The following NCALD variants were observed in gnomAD, a reference collection of about 807,000 sequenced individuals.
The protein encoded by NCALD is neurocalcin-delta.
In NCALD, 10 loss-of-function variants were observed where a neutral mutation model predicts 18.6. The ratio of observed to expected loss-of-function variants is 0.54; its 90% CI spans 0.33 to 0.91. The LOEUF (loss-of-function observed/expected upper bound fraction) is 0.91. Ranked by LOEUF, NCALD falls within the 40% of genes least tolerant of loss-of-function variation. The pLI is 0.03. For missense variants in NCALD, 184 were observed against 247.6 expected, an observed-to-expected ratio of 0.74 and a Z score of 1.72; for synonymous variants, 88 against 87.4, an observed-to-expected ratio of 1.01 and a Z score of -0.04.
intron 3 of NCALD, among the ~76,000 whole-genome samples, chr8:101,909,012 G>A (rs1817701475): frequency 6.6e-6 from 1 of 152,124 alleles, no homozygotes; most frequent in South Asian, 2.1e-4. Context: ...GTTTACCTGA[G>A]CCAACATAAT....
chr8:101,924,650 G>A (rs1818276780), intron 2 of NCALD, among the ~76,000 whole-genome samples: 1 of 152,126 alleles, frequency 6.6e-6, no homozygotes, highest in South Asian at 2.1e-4. Context: ...CTACCATCGG[G>A]ACCAGAGAGC....
chr8:102,013,192 G>A (rs1166617666), intron 2 of NCALD, among the ~76,000 whole-genome samples: 3 of 152,188 alleles, frequency 2.0e-5, no homozygotes, highest in African/African-American at 7.2e-5. Context: ...TTGCTGGCCT[G>A]AGAGTGTATA....
intron 4 of NCALD, among the ~76,000 whole-genome samples, chr8:101,825,719 C>G (rs187632192): frequency 6.6e-6 from 1 of 152,246 alleles, no homozygotes; most frequent in African/African-American, 2.4e-5. Context: ...TGACTTAAAG[C>G]AGGGGTCTGT....
chr8:101,960,688 G>C (rs1412142535), intron 2 of NCALD, among the ~76,000 whole-genome samples: 1 of 151,984 alleles, frequency 6.6e-6, no homozygotes, highest in Non-Finnish European at 1.5e-5. Context: ...ACCATGAATT[G>C]GATCATTTTG....
chr8:102,058,166 G>C (rs573090919), intron 1 of NCALD, among the ~76,000 whole-genome samples: 67 of 152,342 alleles, frequency 4.4e-4, no homozygotes, highest in African/African-American at 1.5e-3. Context: ...AATATGGTTA[G>C]AAAGGAAGGT....
chr8:101,702,864 A>G (rs1332057741), intron 2 of NCALD, among the ~76,000 whole-genome samples: 1 of 152,268 alleles, frequency 6.6e-6, no homozygotes, highest in Non-Finnish European at 1.5e-5. Flanking sequence ...TGTTAAGATC[A>G]GAGAGATCCC....
intron 2 of NCALD, among the ~76,000 whole-genome samples, chr8:101,956,184 T>C (rs763411171): frequency 1.3e-5 from 2 of 152,190 alleles, no homozygotes; most frequent in Non-Finnish European, 2.9e-5. Flanking sequence ...ACATTGCTTA[T>C]CCACCCCCAA....
chr8:101,737,429 G>A (rs1272686782), intron 1 of NCALD, among the ~76,000 whole-genome samples: 1 of 152,092 alleles, frequency 6.6e-6, no homozygotes, highest in African/African-American at 2.4e-5. Context: ...TTCAAGTCAT[G>A]TCCTTTCTCA....
At chr8:101,780,268 T>A (rs1397348651) in intron 1 of NCALD, among the ~76,000 whole-genome samples, 1 of 152,114 alleles carries the variant, frequency 6.6e-6, no homozygotes, top group African/African-American at 2.4e-5. Flanking sequence ...TGCACTGGGT[T>A]AAGTAAGTGA....
chr8:101,918,575 T>C (rs991711725), intron 2 of NCALD, among the ~76,000 whole-genome samples: 5 of 152,132 alleles, frequency 3.3e-5, no homozygotes, highest in Non-Finnish European at 5.9e-5. Context: ...TATGATTCTA[T>C]ACCTAGAAAA....
intron 4 of NCALD, among the ~76,000 whole-genome samples, chr8:101,854,810 C>T (rs990972010): frequency 2.6e-5 from 4 of 152,144 alleles, no homozygotes; most frequent in African/African-American, 9.7e-5. Flanking sequence ...GATTGGGCAT[C>T]TGAATCACAT....
chr8:101,819,799 G>C (rs1813647621), intron 4 of NCALD, among the ~76,000 whole-genome samples: 1 of 152,168 alleles, frequency 6.6e-6, no homozygotes, highest in Non-Finnish European at 1.5e-5. Flanking sequence ...CGGTGGTACA[G>C]AGTGAAGAGG....
rs147772676 is a variant in NCALD at position 102,052,551 on chromosome 8, C to G, written c.-209-32262G>C. ...TAAGGAGAGCTTGAAGTGGTTAAAT[C>G]CACACATAATTCAGGAACTTTATTT... On this transcript the variant is annotated intron_variant, in intron 1 of 6. Transcript: ENST00000311028. 4.9e-3 allele frequency among the ~76,000 whole-genome samples: 751 copies of G among 152,332 alleles called. 3 individuals are homozygous for G. Among genetic ancestry groups the G allele is most frequent in the African/African-American group, 0.017 (716 of 41,570 alleles).
In NCALD at chr8:101,708,099, C is replaced by T. The variant is rs372049338; in HGVS notation, c.378+11153G>A. Among the ~76,000 whole-genome samples the T allele has an allele frequency of 1.3e-3, 200 of 152,196 alleles. 1 individual carries two copies. The highest frequency in any genetic ancestry group is 2.4e-3 in the Non-Finnish European group (162 of 68,008). The stretch of plus-strand genomic sequence containing the variant: ...CTCTAACTTGAACTTAAGAACAAAC[C>T]CAGACAGACTGTCCCCCAAACAGTC... On this transcript the variant is annotated intron_variant, in intron 2 of 3. Coordinates refer to ENST00000220931, the MANE Select transcript of NCALD (RefSeq NM_032041.3).
intron 2 of NCALD, among the ~76,000 whole-genome samples, chr8:101,942,315 T>C (rs1274686833): frequency 6.6e-6 from 1 of 152,180 alleles, no homozygotes; most frequent in African/African-American, 2.4e-5. Context: ...ACACCAATCT[T>C]GAGGCCAAAA....
intron 1 of NCALD, among the ~76,000 whole-genome samples, chr8:102,089,173 T>A (rs1824841051): frequency 6.6e-6 from 1 of 152,108 alleles, no homozygotes; most frequent in Non-Finnish European, 1.5e-5. Context: ...GGTGGGTGGA[T>A]CACAAGGTCA....
At chr8:102,041,905 C>T (rs980431465) in intron 1 of NCALD, among the ~76,000 whole-genome samples, 3 of 151,964 alleles carry the variant, frequency 2.0e-5, no homozygotes, top group Non-Finnish European at 4.4e-5. Context: ...ACCAAAAAAG[C>T]GAAATCACCT....
At position 101,699,353 on chromosome 8, in the gene NCALD, C is replaced by T. The variant is rs187245961; in HGVS notation, c.379-6457G>A. On this transcript the variant is annotated intron_variant, in intron 2 of 3. Transcript: ENST00000220931. ...TCGACCATTGTGGAAGACAGTGTGG[C>T]GATTCCTCAAGGATCTAGAACCAGA... Among the ~76,000 whole-genome samples the T allele has an allele frequency of 9.4e-4, 143 of 152,214 alleles. 1 individual carries two copies. The highest frequency in any genetic ancestry group is 3.3e-3 in the African/African-American group (137 of 41,536).
intron 2 of NCALD, among the ~76,000 whole-genome samples, chr8:101,978,906 A>G (rs1272331810): frequency 2.0e-5 from 3 of 152,266 alleles, no homozygotes; most frequent in Non-Finnish European, 2.9e-5. Context: ...AGATAGCAAT[A>G]CATAACTGTC....
Sources: allele counts gnomAD v4.1 joint callset (sites outside exome capture counted in the v4.1 genomes callset), GRCh38; gene constraint gnomAD v4.1.1; transcripts MANE v1.5; gene names NCBI Gene and HGNC (gene_info 2026-07-23, HGNC 2026-07-21).